Variants in OFD1 observed in about 807,000 individuals in gnomAD.
OFD1 encodes centriole and centriolar satellite protein OFD1.
In OFD1, 12 loss-of-function variants were observed where a neutral mutation model predicts 81.4. The observed-to-expected ratio is 0.15, with a 90% CI of 0.09 to 0.24. The LOEUF (loss-of-function observed/expected upper bound fraction) is 0.24, where lower values mean the gene tolerates loss of function less well. Ranked by LOEUF, OFD1 falls within the 10% of genes least tolerant of loss-of-function variation. OFD1 has a pLI of 1.00. For missense variants in OFD1, 685 were observed against 733.9 expected (o/e 0.93, Z 0.77); for synonymous variants, 256 against 263.7 (o/e 0.97, Z 0.28).
intron 11 of OFD1, among the ~76,000 whole-genome samples, chrX:13,753,903 T>G (rs1405510991): frequency 8.9e-6 from 1 of 112,663 alleles, no homozygotes; most frequent in African/African-American, 3.2e-5. Flanking sequence ...ATGTATAACC[T>G]TCTGAACTCT....
At chrX:13,770,415 G>A (rs769646689), downstream of OFD1, among the ~76,000 whole-genome samples, 1 of 112,173 alleles carries the variant, frequency 8.9e-6, no homozygotes, top group East Asian at 2.8e-4. Context: ...ACTAAGAAAG[G>A]TCAGACGCAG....
At chrX:13,733,088 T>C (rs2046711480), upstream of OFD1, among the ~76,000 whole-genome samples, 1 of 112,170 alleles carries the variant, frequency 8.9e-6, no homozygotes, top group East Asian at 2.8e-4. Flanking sequence ...ATTATATTCA[T>C]GTATTCAACT....
At chrX:13,770,164 GTAAT>G (rs1433264896), downstream of OFD1, among the ~76,000 whole-genome samples, 38 of 112,273 alleles carry the variant, frequency 3.4e-4, no homozygotes, top group African/African-American at 1.2e-3. Flanking sequence ...ATCACTATGG[GTAAT>G]TAAGAGGCTG....
At chrX:13,753,617 C>T (rs1453125226) in intron 11 of OFD1, 176 bp downstream of exon 11, 1 of 428,866 alleles carries the variant, frequency 2.3e-6, no homozygotes, top group Non-Finnish European at 4.0e-6. Flanking sequence ...TCTTCACTGC[C>T]TTTTGAGGAA....
chrX:13,744,292 T>C lies in OFD1; in HGVS notation c.413-123T>C, dbSNP rs536707076. 7.9e-4 allele frequency: 368 copies of C among 467,431 alleles called. 2 individuals carry two copies. In the South Asian group the frequency reaches 0.011, roughly 14 times the overall value. The allele number at this position is 467,431 out of a possible 1,213,427, so 38.5% of individuals were successfully genotyped here. On this transcript the variant is annotated intron_variant, in intron 5 of 22. Coordinates refer to ENST00000340096, the MANE Select transcript of OFD1 (RefSeq NM_003611.3). Reference sequence around the variant, plus strand: ...TGGGTGACAGAGCAAGACTTTTGTCTCTAAAAAAAAGGAAAGATATATAAT... The same window carrying C: ...TGGGTGACAGAGCAAGACTTTTGTCCCTAAAAAAAAGGAAAGATATATAAT...
intron 2 of OFD1, among the ~76,000 whole-genome samples, chrX:13,735,578 A>C (rs2046829059): frequency 2.7e-5 from 3 of 112,629 alleles, no homozygotes; most frequent in Non-Finnish European, 5.6e-5. Flanking sequence ...CAAATAATTA[A>C]TTGAACTGAC....
chrX:13,728,216 C>G, the OFD1 span, among the ~76,000 whole-genome samples: 22 of 112,012 alleles, frequency 2.0e-4, no homozygotes, highest in African/African-American at 6.8e-4. Context: ...TTCCAATCAA[C>G]AGAAAAAGAG....
intron 5 of OFD1, among the ~76,000 whole-genome samples, chrX:13,740,953 A>G (rs1445429008): frequency 3.6e-5 from 4 of 109,978 alleles, no homozygotes; most frequent in African/African-American, 1.0e-4. Context: ...CCTGGCCAAC[A>G]TGGTGAAACC....
chrX:13,732,025 T>C (rs889680659), upstream of OFD1, among the ~76,000 whole-genome samples: 1 of 111,712 alleles, frequency 9.0e-6, no homozygotes, highest in African/African-American at 3.3e-5. Context: ...AAACCTAGAT[T>C]AAGAACAGTT....
intron 2 of OFD1, chrX:13,736,153 T>C: frequency 1.1e-6 from 1 of 872,970 alleles, no homozygotes; most frequent in Non-Finnish European, 1.4e-6. Context: ...CTATACTTAA[T>C]ATCCCAATCG....
chrX:13,735,437 C>A, intron 2 of OFD1, 91 bp downstream of exon 2: 2 of 645,629 alleles, frequency 3.1e-6, no homozygotes, highest in South Asian at 4.5e-5. Flanking sequence ...TTTTAATAAT[C>A]GTATGATACA....
the OFD1 span, among the ~76,000 whole-genome samples, chrX:13,729,102 A>G: frequency 8.9e-6 from 1 of 111,987 alleles, no homozygotes; most frequent in East Asian, 2.8e-4. Context: ...AAAAGAGGAT[A>G]CAAACAAATG....
At chrX:13,716,320 ACT>A in the OFD1 span, 7 of 560,864 alleles carry the variant, frequency 1.2e-5, no homozygotes, top group South Asian at 1.6e-4. Context: ...GTCCAGATAA[ACT>A]CTTTTTGTGT....
At chrX:13,739,876 T>A (rs2047022628) in intron 5 of OFD1, 1 of 752,703 alleles carries the variant, frequency 1.3e-6, no homozygotes, top group Non-Finnish European at 1.6e-6. Context: ...ATGGGCTTTG[T>A]AGCATGAACA....
At chrX:13,741,356 A>G (rs1487522212) in intron 5 of OFD1, among the ~76,000 whole-genome samples, 2 of 111,615 alleles carry the variant, frequency 1.8e-5, no homozygotes, top group Admixed American at 9.5e-5. Context: ...ATTTTTTTAA[A>G]AATTGGTGTC....
In OFD1 at chrX:13,738,989, T is replaced by A. The variant is rs1183560461; in HGVS notation, c.382-13T>A. On this transcript the variant is annotated splice_polypyrimidine_tract_variant and intron_variant, in intron 4 of 22. Coordinates refer to ENST00000340096, the MANE Select transcript of OFD1 (RefSeq NM_003611.3). The stretch of plus-strand genomic sequence containing the variant: ...GAATAGCTGAATAAAAGTGAAATAT[T>A]TTCTTTTAACAGGTTTCAGGATCTG... The A allele has an allele frequency of 2.5e-6, 3 of 1,201,897 alleles. No homozygotes were observed. The African/African-American group carries it at 5.2e-5, about 21-fold the overall frequency.
chrX:13,770,560 A>C (rs916059595), downstream of OFD1, among the ~76,000 whole-genome samples: 7 of 112,517 alleles, frequency 6.2e-5, no homozygotes, highest in East Asian at 1.9e-3. Context: ...TTCCAGAGTA[A>C]ATCTTTCAAT....
At chrX:13,765,905 A>G (rs1461325269) in intron 19 of OFD1, among the ~76,000 whole-genome samples, 1 of 112,032 alleles carries the variant, frequency 8.9e-6, no homozygotes, top group Non-Finnish European at 1.9e-5. Flanking sequence ...GAGATGCTGG[A>G]GTGGTTAGTT....
intron 5 of OFD1, chrX:13,740,310 C>T: frequency 2.2e-6 from 1 of 464,696 alleles, no homozygotes; most frequent in South Asian, 2.6e-5. Context: ...GTGGTAGCTG[C>T]TATCCTCATG....
Sources: allele counts gnomAD v4.1 joint callset (sites outside exome capture counted in the v4.1 genomes callset), GRCh38; gene constraint gnomAD v4.1.1; transcripts MANE v1.5; gene names NCBI Gene and HGNC (gene_info 2026-07-23, HGNC 2026-07-21).